The following OPA3 variants were observed in gnomAD, a reference collection of about 807,000 sequenced individuals.
OPA3 encodes the protein optic atrophy 3 protein.
OPA3 carries 6 observed loss-of-function variants against 4.0 expected under a neutral mutation model. The observed-to-expected ratio is 1.51, with a 90% confidence interval of 0.83 to 2.99. The LOEUF is 2.99. Among genes scored for constraint, OPA3 ranks in the 30% most tolerant of loss-of-function variants. OPA3 has a pLI of 0.00. For synonymous variants in OPA3, 105 were observed against 117.1 expected, an observed-to-expected ratio of 0.90 and a Z score of 0.67; for missense variants, 235 against 256.2, an observed-to-expected ratio of 0.92 and a Z score of 0.56.
At chr19:45,539,566 TTC>T (rs1488230033) in intron 1 of OPA3, among the ~76,000 whole-genome samples, 15 of 152,172 alleles carry the variant, frequency 9.9e-5, no homozygotes, top group Admixed American at 9.2e-4. Flanking sequence ...ATCCACCCAC[TTC>T]TGTCTCCCAA....
chr19:45,538,606 C>T (rs1463660081), intron 1 of OPA3, among the ~76,000 whole-genome samples: 1 of 151,906 alleles, frequency 6.6e-6, no homozygotes, highest in East Asian at 1.9e-4. Flanking sequence ...GCCTGTAATT[C>T]CAGTTACTTG....
intron 1 of OPA3, among the ~76,000 whole-genome samples, chr19:45,580,705 G>T (rs998155441): frequency 2.0e-5 from 3 of 148,284 alleles, no homozygotes; most frequent in Non-Finnish European, 4.5e-5. Context: ...TGCAACCTCT[G>T]CCTCCCAGGT....
At chr19:45,570,980 G>GA (rs1276259436) in intron 1 of OPA3, among the ~76,000 whole-genome samples, 1 of 99,490 alleles carries the variant, frequency 1.0e-5, no homozygotes, top group South Asian at 3.8e-4. Context: ...AAACTATTTG[G>GA]GGGGGGGGGG....
chr19:45,545,573 G>A (rs1969239817), downstream of OPA3, among the ~76,000 whole-genome samples: 1 of 151,978 alleles, frequency 6.6e-6, no homozygotes, highest in Non-Finnish European at 1.5e-5. Flanking sequence ...AACAACCAGA[G>A]GCTGAGCACA....
chr19:45,572,611 TATATC>T (rs1232778295), intron 1 of OPA3, among the ~76,000 whole-genome samples: 3 of 131,998 alleles, frequency 2.3e-5, no homozygotes, highest in Non-Finnish European at 4.8e-5. Flanking sequence ...ATATATCATA[TATATC>T]ATGATATATG....
At chr19:45,536,934 G>GA (rs924790348) in intron 1 of OPA3, among the ~76,000 whole-genome samples, 2 of 151,116 alleles carry the variant, frequency 1.3e-5, no homozygotes, top group African/African-American at 4.9e-5. Context: ...AACACTTTTA[G>GA]AAAAAAAAAG....
downstream of OPA3, among the ~76,000 whole-genome samples, chr19:45,545,164 C>CAAAAAAAAAAAAAAAA (rs779193252): frequency 2.5e-5 from 1 of 40,812 alleles, no homozygotes; most frequent in East Asian, 7.2e-4. Flanking sequence ...GACACCGTCT[C>CAAAAAAAAAAAAAAAA]AAAAAAAAAA....
chr19:45,556,630 C>T (rs569753715), intron 1 of OPA3, among the ~76,000 whole-genome samples: 5 of 152,260 alleles, frequency 3.3e-5, no homozygotes, highest in East Asian at 1.9e-4. Flanking sequence ...AGTACTGGGA[C>T]GACAGGAGAC....
chr19:45,548,843 AC>A lies in OPA3; in HGVS notation c.*4670del. 1 of 636,850 alleles carries A rather than the reference AC, an allele frequency of 1.6e-6. No individual in the cohort carries two copies. Among genetic ancestry groups the A allele is most frequent in the Non-Finnish European group, 1.9e-6 (1 of 513,406 alleles). The allele number at this position is 636,850 out of a possible 1,614,324, so 39.4% of individuals were successfully genotyped here. ...TTTAGAGATGAAGTCTCGCTCTGTCACCCAGGCTGGAGTATAATGGCATGAT... is the reference window on the plus strand; with the variant it reads ...TTTAGAGATGAAGTCTCGCTCTGTCACCAGGCTGGAGTATAATGGCATGAT... On this transcript the variant is annotated 3_prime_UTR_variant, in exon 2 of 2. Coordinates refer to ENST00000263275, the MANE Select transcript of OPA3 (RefSeq NM_025136.4).
rs1451416450 is a variant in OPA3, at chr19:45,553,847, C to T, written c.207G>A (p.Lys69=). ...CAGCTGCCGCCTCCTCGTTCAGCGG[C>T]TTGATGACCGTGCCCCGGAAGCCCA... ...RIMGFRGTVI[K]PLNEEAAAEL... Residue 69 remains lysine, a synonymous_variant, in exon 2 of 2, where the codon AAG becomes AAA. Transcript: ENST00000263275. The T allele has an allele frequency of 6.2e-7, 1 of 1,612,426 alleles. No homozygotes were observed. Among genetic ancestry groups the T allele is most frequent in the African/African-American group, 1.3e-5 (1 of 74,908 alleles).
chr19:45,571,821 G>A (rs1969670592), intron 1 of OPA3, among the ~76,000 whole-genome samples: 1 of 152,056 alleles, frequency 6.6e-6, no homozygotes, highest in Non-Finnish European at 1.5e-5. Flanking sequence ...CAATCCTCTT[G>A]GCAGTTGTGT....
At chr19:45,554,120 G>A (rs1969386600) in intron 1 of OPA3, among the ~76,000 whole-genome samples, 1 of 152,196 alleles carries the variant, frequency 6.6e-6, no homozygotes, top group South Asian at 2.1e-4. Context: ...GGGACACCAG[G>A]AGCTTCCACA....
chr19:45,578,688 G>A (rs1308461611), intron 1 of OPA3, among the ~76,000 whole-genome samples: 9 of 152,078 alleles, frequency 5.9e-5, no homozygotes, highest in Non-Finnish European at 8.8e-5. Context: ...TTAGCCGGGC[G>A]TGGTGGCGCA....
intron 1 of OPA3, among the ~76,000 whole-genome samples, chr19:45,577,765 C>G (rs1969790105): frequency 6.6e-6 from 1 of 151,984 alleles, no homozygotes; most frequent in South Asian, 2.1e-4. Context: ...GGAGGCACCT[C>G]GAGTCTGTGG....
intron 1 of OPA3, among the ~76,000 whole-genome samples, chr19:45,537,136 T>G (rs1969127047): frequency 6.6e-6 from 1 of 152,040 alleles, no homozygotes; most frequent in African/African-American, 2.4e-5. Flanking sequence ...TAAAAAACTT[T>G]TTAGTAGAGA....
chr19:45,545,774 G>GTGA (rs1481590857), downstream of OPA3, among the ~76,000 whole-genome samples: 2 of 142,028 alleles, frequency 1.4e-5, no homozygotes, highest in African/African-American at 2.6e-5. Flanking sequence ...GTGCAGTGGT[G>GTGA]TGATCTTGGC....
chr19:45,565,459 G>A (rs1004831363), intron 1 of OPA3, among the ~76,000 whole-genome samples: 35 of 151,260 alleles, frequency 2.3e-4, no homozygotes, highest in Admixed American at 7.9e-4. Context: ...GTAAAAACCC[G>A]TCTCTAGTAA....
At chr19:45,543,596 C>T (rs150557282), downstream of OPA3, among the ~76,000 whole-genome samples, 84 of 152,180 alleles carry the variant, frequency 5.5e-4, no homozygotes, top group African/African-American at 8.7e-4. Flanking sequence ...GGATTACAGG[C>T]GTGAGCCACT....
chr19:45,567,578 A>T (rs957488107), intron 1 of OPA3, among the ~76,000 whole-genome samples: 1 of 152,164 alleles, frequency 6.6e-6, no homozygotes, highest in African/African-American at 2.4e-5. Context: ...CTTGGGTACT[A>T]GTTACATGGG....
Sources: allele counts gnomAD v4.1 joint callset (sites outside exome capture counted in the v4.1 genomes callset), GRCh38; gene constraint gnomAD v4.1.1; transcripts MANE v1.5; gene names NCBI Gene and HGNC (gene_info 2026-07-23, HGNC 2026-07-21).